The following EYA2 variants were observed in gnomAD, a reference collection of about 807,000 sequenced individuals.
EYA2 encodes the protein EYA transcriptional coactivator and phosphatase 2.
In EYA2, 31 loss-of-function variants were observed where a neutral mutation model predicts 69.2. The ratio of observed to expected loss-of-function variants is 0.45; its 90% CI spans 0.34 to 0.60. The LOEUF is 0.60. Among genes scored for constraint, EYA2 ranks in the 20% least tolerant of loss-of-function variants. The pLI, the probability that EYA2 is intolerant of heterozygous loss-of-function variation, is 0.02. For missense variants in EYA2, 622 were observed against 701.2 expected, an observed-to-expected ratio of 0.89 and a Z score of 1.28; for synonymous variants, 257 against 279.4, an observed-to-expected ratio of 0.92 and a Z score of 0.80.
intron 5 of EYA2, among the ~76,000 whole-genome samples, chr20:47,057,516 C>G (rs531984039): frequency 6.6e-6 from 1 of 150,440 alleles, no homozygotes; most frequent in Non-Finnish European, 1.5e-5. Flanking sequence ...TATCACCCCC[C>G]CCCCCCATCT....
At position 47,001,421 on chromosome 20, in the gene EYA2, C is replaced by T. The variant is rs1312245326; in HGVS notation, c.110-7C>T. 1 of 1,614,094 alleles carries T rather than the reference C, an allele frequency of 6.2e-7. No individual in the cohort carries two copies. The highest frequency in any genetic ancestry group is 8.5e-7 in the Non-Finnish European group (1 of 1,179,926). On this transcript the variant is annotated splice_polypyrimidine_tract_variant and splice_region_variant and intron_variant, in intron 2 of 15. Transcript: ENST00000327619. The stretch of plus-strand genomic sequence containing the variant: ...AAACTCTTCCAATTTTTCTTTTTCT[C>T]CTGCAGGCATCACCAAATCGGCCCC...
chr20:46,945,094 T>C (rs1978372982), intron 1 of EYA2, among the ~76,000 whole-genome samples: 1 of 150,482 alleles, frequency 6.6e-6, no homozygotes, highest in Non-Finnish European at 1.5e-5. Context: ...ACAGTCTGGG[T>C]GACAGAGTGA....
rs181129349 is a variant in EYA2, at chr20:47,009,154, C to T, written c.298+4070C>T. ...GAAATGCTCAACAAATGTCACCTGT[C>T]CCAGTAGAAGCCAGGCTGCCACACA... On this transcript the variant is annotated intron_variant, in intron 4 of 15. Transcript: ENST00000327619. 2.6e-5 allele frequency among the ~76,000 whole-genome samples: 4 copies of T among 152,292 alleles called. No homozygotes were observed. In the East Asian group the frequency reaches 5.8e-4, roughly 22 times the overall value.
intron 5 of EYA2, among the ~76,000 whole-genome samples, chr20:47,035,356 G>A (rs950152029): frequency 2.0e-5 from 3 of 152,156 alleles, no homozygotes; most frequent in African/African-American, 7.2e-5. Flanking sequence ...CCCTCTTTAA[G>A]TATAAATAGA....
rs1483932474 is a variant in EYA2, at chr20:47,049,865, C to CT, written c.416-22320_416-22319insT. Reference sequence around the variant, plus strand: ...TAGGCTCCCATCTGTGACAGACCCCCCCCCCACCGCCACCAGTCTGTCTTT... The same window carrying CT: ...TAGGCTCCCATCTGTGACAGACCCCCTCCCCCACCGCCACCAGTCTGTCTTT... On this transcript the variant is annotated intron_variant, in intron 5 of 15. Coordinates refer to ENST00000327619, the MANE Select transcript of EYA2 (RefSeq NM_005244.5). Among the ~76,000 whole-genome samples, 4 of 151,146 alleles carry CT rather than the reference C, an allele frequency of 2.6e-5. No individual in the cohort carries two copies. In the East Asian group the frequency reaches 7.8e-4, roughly 29 times the overall value.
chr20:47,053,653 G>A (rs1165825493), intron 5 of EYA2, among the ~76,000 whole-genome samples: 2 of 137,806 alleles, frequency 1.5e-5, no homozygotes, highest in Non-Finnish European at 3.1e-5. Flanking sequence ...GGGGACAGGA[G>A]TGAGACCTTG....
chr20:47,113,503 G>A (rs1475243378), intron 9 of EYA2, among the ~76,000 whole-genome samples: 3 of 152,186 alleles, frequency 2.0e-5, no homozygotes, highest in African/African-American at 7.2e-5. Context: ...AACCTAAGGA[G>A]CTTTTAGCAG....
intron 10 of EYA2, among the ~76,000 whole-genome samples, chr20:47,164,669 G>T (rs3092447): frequency 0.15 from 22,713 of 152,086 alleles, 1,724 homozygotes; most frequent in Middle Eastern, 0.18. Context: ...ACATGCCTAG[G>T]GGGGTCAAGG....
chr20:47,099,634 G>A (rs1050150062), intron 9 of EYA2, among the ~76,000 whole-genome samples: 1 of 152,154 alleles, frequency 6.6e-6, no homozygotes, highest in Non-Finnish European at 1.5e-5. Context: ...CGTGGAGCTG[G>A]GGCACACTGG....
chr20:47,013,055 A>T (rs1487121490), intron 4 of EYA2, among the ~76,000 whole-genome samples: 1 of 152,234 alleles, frequency 6.6e-6, no homozygotes, highest in Non-Finnish European at 1.5e-5. Flanking sequence ...CCTTCAGCAA[A>T]CAAAAGAAGA....
Position 47,164,883 on chromosome 20 carries a change from G to T in EYA2, c.979-4256G>T, listed in dbSNP as rs191343963. Among the ~76,000 whole-genome samples the T allele has an allele frequency of 1.8e-3, 268 of 152,302 alleles. 1 individual carries two copies. Among genetic ancestry groups the T allele is most frequent in the South Asian group, 4.6e-3 (22 of 4,828 alleles). The stretch of plus-strand genomic sequence containing the variant: ...CTTCAAAAAAATTTAAACATGCAAT[G>T]AGCTAAGTAGATATGTCTCCAGGCC... On this transcript the variant is annotated intron_variant, in intron 10 of 15. Transcript: ENST00000327619.
chr20:46,966,638 C>G (rs1379875200), intron 1 of EYA2, among the ~76,000 whole-genome samples: 4 of 152,058 alleles, frequency 2.6e-5, no homozygotes, highest in Admixed American at 2.6e-4. Context: ...GAAACCCTGT[C>G]TCTACTCAAA....
intron 2 of EYA2, chr20:46,997,784 A>G (rs751186882): frequency 6.6e-6 from 1 of 152,444 alleles, no homozygotes; most frequent in South Asian, 2.1e-4. Flanking sequence ...ACAGAAAGCT[A>G]TGATCAGTGG....
intron 1 of EYA2, among the ~76,000 whole-genome samples, chr20:46,965,478 G>C (rs1405117704): frequency 2.0e-5 from 3 of 152,248 alleles, no homozygotes; most frequent in Non-Finnish European, 2.9e-5. Context: ...GGCAAAGGTG[G>C]GGGGTTGGAG....
At chr20:46,956,612 T>C (rs1979141994) in intron 1 of EYA2, among the ~76,000 whole-genome samples, 1 of 152,234 alleles carries the variant, frequency 6.6e-6, no homozygotes, top group South Asian at 2.1e-4. Flanking sequence ...CACACATCTC[T>C]TCTGCTCATG....
intron 2 of EYA2, among the ~76,000 whole-genome samples, chr20:46,992,940 C>T (rs1355264805): frequency 1.3e-5 from 2 of 152,108 alleles, no homozygotes; most frequent in Non-Finnish European, 2.9e-5. Flanking sequence ...TGGGCCATTC[C>T]TTCTATTACA....
At chr20:47,050,659 T>A (rs1363057957) in intron 5 of EYA2, among the ~76,000 whole-genome samples, 1 of 152,218 alleles carries the variant, frequency 6.6e-6, no homozygotes, top group Non-Finnish European at 1.5e-5. Flanking sequence ...CAAAAAGGCT[T>A]TGATCTAAAA....
chr20:47,112,850 T>C (rs2032784005), intron 9 of EYA2, among the ~76,000 whole-genome samples: 1 of 145,288 alleles, frequency 6.9e-6, no homozygotes, highest in African/African-American at 2.5e-5. Context: ...AAGTTAGATT[T>C]CATGTTCACT....
intron 1 of EYA2, among the ~76,000 whole-genome samples, chr20:46,955,181 G>A (rs1281268904): frequency 6.7e-6 from 1 of 149,646 alleles, no homozygotes; most frequent in African/African-American, 2.5e-5. Context: ...TTGTTGCCCA[G>A]GCTGGAGTGC....
Sources: allele counts gnomAD v4.1 joint callset (sites outside exome capture counted in the v4.1 genomes callset), GRCh38; gene constraint gnomAD v4.1.1; transcripts MANE v1.5; gene names NCBI Gene and HGNC (gene_info 2026-07-23, HGNC 2026-07-21).